ARL14EP: variants seen among roughly 807,000 people sequenced by gnomAD.
The protein encoded by ARL14EP is ARF like GTPase 14 effector protein.
Under a neutral mutation model 23.1 loss-of-function variants are expected in ARL14EP, and 12 were observed. That is an observed-to-expected ratio of 0.52 (90% CI 0.33 to 0.84). ARL14EP has a LOEUF of 0.84. Ranked by LOEUF, ARL14EP falls within the 40% of genes least tolerant of loss-of-function variation. The pLI, the probability that ARL14EP is intolerant of heterozygous loss-of-function variation, is 0.02. For synonymous variants in ARL14EP, 97 were observed against 102.0 expected (o/e 0.95, Z 0.29); for missense variants, 253 against 307.3 (o/e 0.82, Z 1.32).
At chr11:30,329,355 A>T (rs1439156910) in intron 1 of ARL14EP, 1 of 152,102 alleles carries the variant, frequency 6.6e-6, no homozygotes, top group East Asian at 1.9e-4. Context: ...ATCCTTTACA[A>T]TTAGGTTATT....
intron 1 of ARL14EP, chr11:30,329,172 A>T (rs902646191): frequency 6.6e-6 from 1 of 152,116 alleles, no homozygotes; most frequent in South Asian, 2.1e-4. Context: ...TGTAAATCTT[A>T]TGTACTATCT....
At chr11:30,323,585 T>C (rs968844741) in intron 1 of ARL14EP, among the ~76,000 whole-genome samples, 2 of 152,230 alleles carry the variant, frequency 1.3e-5, no homozygotes, top group African/African-American at 4.8e-5. Context: ...CAAATCAGAA[T>C]CCTTTCAACC....
intron 2 of ARL14EP, 74 bp downstream of exon 2, chr11:30,331,448 A>C (rs1590667868): frequency 6.3e-7 from 1 of 1,598,216 alleles, no homozygotes; most frequent in Non-Finnish European, 8.5e-7. Flanking sequence ...TAAGAAAATC[A>C]TATTTACATT....
At position 30,336,791 on chromosome 11, in the gene ARL14EP, G is replaced by T; in HGVS notation, c.779G>T (p.Gly260Val). 1 of 1,612,528 alleles carries T rather than the reference G, an allele frequency of 6.2e-7. No homozygotes were observed. The highest frequency in any genetic ancestry group is 1.1e-5 in the South Asian group (1 of 91,038). Residue 260 changes from glycine to valine, a missense_variant, in exon 4 of 4, where the codon GGA becomes GTA. Physicochemically the swap from Gly to Val is moderately radical, Grantham distance 109. Transcript: ENST00000282032. ...GGEIIHNKHA[G>V] ...GAAATAATTCATAATAAACATGCTG[G>T]ATAATCTGCGGTACCAAACTATGGA...
chr11:30,323,132 C>G lies in ARL14EP; in HGVS notation c.-134C>G, dbSNP rs554902803. On this transcript the variant is annotated 5_prime_UTR_variant, in exon 1 of 4. Transcript: ENST00000282032. ...GGTAGCGCGGGGACTGGCTGGGAAG[C>G]GGTCGGTCGAGTGTGGCCTGTGTGG... 63 of 152,786 alleles carry G rather than the reference C, an allele frequency of 4.1e-4. No homozygotes were observed. The highest frequency in any genetic ancestry group is 1.1e-3 in the African/African-American group (44 of 41,598). The allele number at this position is 152,786 out of a possible 1,614,324, so 9.5% of individuals were successfully genotyped here.
chr11:30,332,755 G>A (rs945933916), intron 2 of ARL14EP, 111 bp from the exon 3 acceptor site: 1 of 1,358,706 alleles, frequency 7.4e-7, no homozygotes, highest in Admixed American at 2.0e-5. Flanking sequence ...TTTTTTGTGT[G>A]TTCCAGACTG....
intron 3 of ARL14EP, among the ~76,000 whole-genome samples, chr11:30,336,327 A>G (rs117706476): frequency 1.6e-3 from 238 of 151,190 alleles, no homozygotes; most frequent in East Asian, 9.7e-3. Context: ...ATGCACTTCA[A>G]GAAGCGTATT....
intron 2 of ARL14EP, among the ~76,000 whole-genome samples, chr11:30,332,300 G>C (rs921730572): frequency 6.6e-6 from 1 of 150,498 alleles, no homozygotes; most frequent in Non-Finnish European, 1.5e-5. Context: ...CTTGCTGATA[G>C]TGTCATTGTA....
At chr11:30,336,285 CTTTT>C (rs1379322532) in intron 3 of ARL14EP, among the ~76,000 whole-genome samples, 1 of 152,032 alleles carries the variant, frequency 6.6e-6, no homozygotes, top group African/African-American at 2.4e-5. Context: ...ACCTGTCATT[CTTTT>C]TTGTTTGTTT....
intron 3 of ARL14EP, among the ~76,000 whole-genome samples, chr11:30,336,192 A>G (rs1947330433): frequency 6.6e-6 from 1 of 152,244 alleles, no homozygotes; most frequent in Non-Finnish European, 1.5e-5. Flanking sequence ...AAAAATCTAT[A>G]GAGGTGGTAT....
intron 1 of ARL14EP, among the ~76,000 whole-genome samples, chr11:30,323,458 C>T (rs1947211513): frequency 6.6e-6 from 1 of 152,268 alleles, no homozygotes; most frequent in Admixed American, 6.5e-5. Flanking sequence ...GGGTCGTCGC[C>T]TGTCCTGTAG....
At position 30,330,916 on chromosome 11, in the gene ARL14EP, CAAAAT is replaced by C. The variant is rs1447143456; in HGVS notation, c.-28_-24del. On this transcript the variant is annotated 5_prime_UTR_variant, in exon 2 of 4. Transcript: ENST00000282032. ...TCAGCCCATGACCTAAACCTCCAGA[CAAAAT>C]AAAACGGAAAATTTGCTAGAATCAA... 2 of 1,532,008 alleles carry C rather than the reference CAAAAT, an allele frequency of 1.3e-6. No individual in the cohort carries two copies. Among genetic ancestry groups the C allele is most frequent in the Non-Finnish European group, 1.7e-6 (2 of 1,148,020 alleles). The allele number at this position is 1,532,008 out of a possible 1,614,324, so 94.9% of individuals were successfully genotyped here. A position where few individuals can be genotyped will look rare whatever the true frequency, so the allele number is the denominator to read the frequency against.
intron 3 of ARL14EP, 43 bp from the exon 4 acceptor site, chr11:30,336,524 T>A (rs1565010980): frequency 6.8e-7 from 1 of 1,476,752 alleles, no homozygotes; most frequent in South Asian, 1.2e-5. Flanking sequence ...AAATCAAAAA[T>A]AACATATTTA....
At chr11:30,327,271 G>A (rs12799426) in intron 1 of ARL14EP, among the ~76,000 whole-genome samples, 1 of 152,058 alleles carries the variant, frequency 6.6e-6, no homozygotes, top group African/African-American at 2.4e-5. Context: ...GAACTCTGTT[G>A]AATTTTGTAG....
Position 30,331,175 on chromosome 11 carries a change from G to A in ARL14EP, c.227G>A (p.Cys76Tyr), listed in dbSNP as rs1947279456. 6.2e-7 allele frequency: 1 copy of A among 1,613,902 alleles called. No individual in the cohort carries two copies. Among genetic ancestry groups the A allele is most frequent in the Non-Finnish European group, 8.5e-7 (1 of 1,179,832 alleles). Residue 76 changes from cysteine to tyrosine, a missense_variant, in exon 2 of 4, where the codon TGT becomes TAT. By Grantham distance (194) the Cys-to-Tyr change is radical (BLOSUM62 -2). Transcript: ENST00000282032. ...DRFEDLQKSC[C>Y]DPFNIHKKLA... ...TTTGAGGATTTACAGAAGTCATGTT[G>A]TGACCCATTTAACATACACAAGAAA...
chr11:30,330,803 G>A, intron 1 of ARL14EP, 83 bp from the exon 2 acceptor site: 2 of 707,246 alleles, frequency 2.8e-6, no homozygotes, highest in Admixed American at 2.8e-5. Context: ...CTTTTAGATA[G>A]GTGTTGAATT....
Position 30,331,368 on chromosome 11 carries a change from G to A in ARL14EP, c.420G>A (p.Glu140=), listed in dbSNP as rs1947281981. The A allele has an allele frequency of 6.2e-7, 1 of 1,613,898 alleles. No homozygotes were observed. Among genetic ancestry groups the A allele is most frequent in the South Asian group, 1.1e-5 (1 of 91,076 alleles). The part of the protein sequence containing the change: ...DTEDRQKRKP[E]SDGRTAKALR... ...AAGACCGCCAGAAAAGGAAACCTGA[G>A]TCAGATGTATGTGTAATAGTCATTT... The change falls in exon 2 of 4, where the codon GAG becomes GAA. Residue 140 remains glutamate, a synonymous_variant. Transcript: ENST00000282032.
intron 1 of ARL14EP, chr11:30,330,568 G>C (rs1053238939): frequency 1.1e-5 from 2 of 179,892 alleles, no homozygotes; most frequent in Non-Finnish European, 2.3e-5. Flanking sequence ...AGCATCCCTG[G>C]TGAATTCTCT....
rs4071559 is a variant in ARL14EP at position 30,323,178 on chromosome 11, C to T, written c.-88C>T. 0.12 allele frequency: 18,601 copies of T among 152,936 alleles called. 1,282 individuals are homozygous for T. The highest frequency in any genetic ancestry group is 0.15 in the Non-Finnish European group (10,624 of 68,596). The allele number at this position is 152,936 out of a possible 1,614,324, so 9.5% of individuals were successfully genotyped here. A position where few individuals can be genotyped will look rare whatever the true frequency, so the allele number is the denominator to read the frequency against. ...TGTGGACTCGCATCTTGCCCGAAGC[C>T]GGGCGGAGGAGAGCTCAAGCTAAGG... On this transcript the variant is annotated 5_prime_UTR_variant, in exon 1 of 4. Transcript: ENST00000282032.
Sources: gnomAD v4.1 joint callset for allele counts (sites outside exome capture counted in the v4.1 genomes callset) on GRCh38, gnomAD v4.1.1 for gene constraint, MANE v1.5 for transcripts, NCBI Gene and HGNC (gene_info 2026-07-23, HGNC 2026-07-21) for gene names.